PBX1: variants seen among roughly 807,000 people sequenced by gnomAD.
The protein encoded by PBX1 is pre-B-cell leukemia transcription factor 1.
A neutral mutation model predicts 53.4 loss-of-function variants in PBX1; 6 were observed. The ratio of observed to expected loss-of-function variants is 0.11; its 90% CI spans 0.06 to 0.22. PBX1 has a LOEUF of 0.22. PBX1 is among the 10% of genes least tolerant of loss of function. PBX1 has a pLI of 1.00. For missense variants in PBX1, 251 were observed against 551.4 expected, an observed-to-expected ratio of 0.46 and a Z score of 5.46; for synonymous variants, 204 against 212.3, an observed-to-expected ratio of 0.96 and a Z score of 0.34.
At chr1:164,760,717 G>A (rs189464554) in intron 2 of PBX1, among the ~76,000 whole-genome samples, 5 of 152,232 alleles carry the variant, frequency 3.3e-5, no homozygotes, top group East Asian at 3.9e-4. Context: ...TGCAGCATGC[G>A]TTACAGATGG....
intron 2 of PBX1, among the ~76,000 whole-genome samples, chr1:164,740,423 C>T (rs1298407190): frequency 1.3e-5 from 2 of 151,816 alleles, no homozygotes; most frequent in Non-Finnish European, 2.9e-5. Context: ...ATCTAGTAGC[C>T]AGACTTTATC....
At chr1:164,740,554 C>G (rs777155073) in intron 2 of PBX1, among the ~76,000 whole-genome samples, 1 of 151,998 alleles carries the variant, frequency 6.6e-6, no homozygotes, top group Non-Finnish European at 1.5e-5. Flanking sequence ...CCTCAAAGCT[C>G]AGAACCCACT....
At chr1:164,752,135 C>T (rs945590599) in intron 2 of PBX1, among the ~76,000 whole-genome samples, 8 of 151,258 alleles carry the variant, frequency 5.3e-5, no homozygotes, top group East Asian at 1.9e-4. Context: ...GAGATTTTAA[C>T]GTGGCTACCA....
At chr1:164,748,508 C>T (rs1666022066) in intron 2 of PBX1, among the ~76,000 whole-genome samples, 1 of 152,162 alleles carries the variant, frequency 6.6e-6, no homozygotes, top group African/African-American at 2.4e-5. Context: ...TGATCTCTAT[C>T]ATCTAAGGTT....
intron 2 of PBX1, among the ~76,000 whole-genome samples, chr1:164,780,649 G>A (rs1178639676): frequency 6.6e-6 from 1 of 152,116 alleles, no homozygotes; most frequent in Non-Finnish European, 1.5e-5. Context: ...GGAAATGATG[G>A]CTCCATGGAA....
At chr1:164,783,494 C>G (rs1668028021) in intron 2 of PBX1, among the ~76,000 whole-genome samples, 1 of 152,146 alleles carries the variant, frequency 6.6e-6, no homozygotes, top group Admixed American at 6.5e-5. Flanking sequence ...AAACCAAACT[C>G]TTAACTCTAA....
At chr1:164,682,740 C>G (rs1244651794) in intron 2 of PBX1, 1 of 152,142 alleles carries the variant, frequency 6.6e-6, no homozygotes, top group African/African-American at 2.4e-5. Flanking sequence ...GGCCACTGTG[C>G]TCGGGGACAT....
chr1:164,793,712 A>T (rs1668635572), intron 3 of PBX1, among the ~76,000 whole-genome samples: 1 of 152,126 alleles, frequency 6.6e-6, no homozygotes, highest in South Asian at 2.1e-4. Context: ...TTTAGATAGC[A>T]GATAAGTTTG....
intron 4 of PBX1, among the ~76,000 whole-genome samples, chr1:164,805,660 G>A (rs1243460004): frequency 1.3e-5 from 2 of 152,300 alleles, no homozygotes; most frequent in East Asian, 1.9e-4. Flanking sequence ...GTCTTTAGGC[G>A]AAGAAGAAAG....
Position 164,848,529 on chromosome 1 carries a change from G to T in PBX1, c.*1853G>T, listed in dbSNP as rs1053555891. The T allele has an allele frequency of 5.7e-6, 6 of 1,059,204 alleles. No individual in the cohort carries two copies. The Admixed American group carries it at 2.2e-4, about 38-fold the overall frequency. The allele number at this position is 1,059,204 out of a possible 1,614,324, so 65.6% of individuals were successfully genotyped here. A position where few individuals can be genotyped will look rare whatever the true frequency, so the allele number is the denominator to read the frequency against. On this transcript the variant is annotated 3_prime_UTR_variant, in exon 9 of 9. Transcript: ENST00000420696. ...AATGGTTTTCTTGTTGTAACTTCTG[G>T]TTAATATCAGTACCTTGATGTCATC...
At chr1:164,654,946 T>G (rs1660058537) in intron 2 of PBX1, among the ~76,000 whole-genome samples, 1 of 152,176 alleles carries the variant, frequency 6.6e-6, no homozygotes, top group Non-Finnish European at 1.5e-5. Context: ...GCACAGCATG[T>G]GATGGGAATG....
At chr1:164,746,502 G>A (rs1456082367) in intron 2 of PBX1, among the ~76,000 whole-genome samples, 1 of 152,014 alleles carries the variant, frequency 6.6e-6, no homozygotes, top group East Asian at 1.9e-4. Flanking sequence ...TCAGCCTCTC[G>A]AGTAGCTGGG....
intron 2 of PBX1, among the ~76,000 whole-genome samples, chr1:164,620,552 T>C (rs1657599846): frequency 6.6e-6 from 1 of 152,214 alleles, no homozygotes; most frequent in Admixed American, 6.5e-5. Context: ...GGGACTTGTC[T>C]ATAACCATAT....
chr1:164,720,681 C>T (rs149765660), intron 2 of PBX1, among the ~76,000 whole-genome samples: 173 of 152,230 alleles, frequency 1.1e-3, no homozygotes, highest in African/African-American at 3.6e-3. Flanking sequence ...GTGACCAAAC[C>T]GGGGGCTCAA....
At chr1:164,841,152 G>C (rs1414369291) in intron 8 of PBX1, among the ~76,000 whole-genome samples, 2 of 152,146 alleles carry the variant, frequency 1.3e-5, no homozygotes, top group Non-Finnish European at 2.9e-5. Flanking sequence ...CATAGAACTG[G>C]GGGCCTGCAG....
intron 2 of PBX1, among the ~76,000 whole-genome samples, chr1:164,882,859 GC>G (rs1415288452): frequency 6.6e-6 from 1 of 152,114 alleles, no homozygotes; most frequent in Non-Finnish European, 1.5e-5. Context: ...GCTATGCTAT[GC>G]TATGCTATAT....
intron 8 of PBX1, among the ~76,000 whole-genome samples, chr1:164,827,793 C>T (rs1670542046): frequency 1.3e-5 from 2 of 152,212 alleles, no homozygotes; most frequent in Non-Finnish European, 2.9e-5. Context: ...CTTATTCATG[C>T]ATTCATTTAT....
At chr1:164,842,246 CTG>C (rs1187033988) in intron 8 of PBX1, among the ~76,000 whole-genome samples, 1 of 152,158 alleles carries the variant, frequency 6.6e-6, no homozygotes, top group East Asian at 1.9e-4. Flanking sequence ...GGTTGCAATT[CTG>C]TGTCACGTGT....
chr1:164,879,278 G>T (rs1452299757), intron 2 of PBX1, among the ~76,000 whole-genome samples: 1 of 152,176 alleles, frequency 6.6e-6, no homozygotes, highest in Non-Finnish European at 1.5e-5. Flanking sequence ...CACCTATTTG[G>T]AGTTGGGGGC....
Sources: allele counts gnomAD v4.1 joint callset (sites outside exome capture counted in the v4.1 genomes callset), GRCh38; gene constraint gnomAD v4.1.1; transcripts MANE v1.5; gene names NCBI Gene and HGNC (gene_info 2026-07-23, HGNC 2026-07-21).